ABCA12: variants seen among roughly 807,000 people sequenced by gnomAD.
ABCA12 encodes glucosylceramide transporter ABCA12.
ABCA12 carries 156 observed loss-of-function variants against 293.5 expected under a neutral mutation model. The ratio of observed to expected loss-of-function variants is 0.53; its 90% CI spans 0.47 to 0.61. The LOEUF is 0.61. Ranked by LOEUF, ABCA12 falls within the 20% of genes least tolerant of loss-of-function variation. The pLI is 0.00. For missense variants in ABCA12, 2,797 were observed against 3,090.2 expected (o/e 0.91, Z 2.25); for synonymous variants, 1,063 against 1,108.0 (o/e 0.96, Z 0.81).
At chr2:215,051,621 T>TGTGTGTGTGTGTGTGTGG in intron 5 of ABCA12, among the ~76,000 whole-genome samples, 1 of 149,346 alleles carries the variant, frequency 6.7e-6, no homozygotes, top group Non-Finnish European at 1.5e-5. Flanking sequence ...TGTGTGTGTG[T>TGTGTGTGTGTGTGTGTGG]GTGTGTGTGT....
rs1451989925 is a variant in ABCA12 at position 215,001,707 on chromosome 2, ATGT to A, written c.2711_2713del (p.Asn904del). Reference sequence around the variant, plus strand: ...TGTGTTAAGCTGATCGATGATGTCAATGTTGTTCTCTAATTTCAGTCTTAGAAT... The same window carrying A: ...TGTGTTAAGCTGATCGATGATGTCAATGTTCTCTAATTTCAGTCTTAGAAT... On this transcript the variant is annotated inframe_deletion, in exon 21 of 53. Transcript: ENST00000272895. 4.3e-6 allele frequency: 7 copies of A among 1,613,416 alleles called. No individual in the cohort carries two copies. The highest frequency in any genetic ancestry group is 5.9e-6 in the Non-Finnish European group (7 of 1,179,734).
At chr2:215,024,873 T>G (rs987707766) in intron 11 of ABCA12, among the ~76,000 whole-genome samples, 1 of 152,180 alleles carries the variant, frequency 6.6e-6, no homozygotes, top group Non-Finnish European at 1.5e-5. Context: ...GTATACTATA[T>G]GCATGAGATA....
chr2:215,093,045 C>T (rs1162696168), intron 2 of ABCA12, among the ~76,000 whole-genome samples: 1 of 152,116 alleles, frequency 6.6e-6, no homozygotes, highest in Non-Finnish European at 1.5e-5. Context: ...AATATTTTGA[C>T]CACCTTCAAC....
chr2:215,108,893 C>G (rs1702514278), intron 2 of ABCA12, among the ~76,000 whole-genome samples: 1 of 151,846 alleles, frequency 6.6e-6, no homozygotes, highest in Admixed American at 6.6e-5. Context: ...ATGGTGAAAC[C>G]CCCGTCTCTA....
chr2:215,105,601 GCACA>G (rs34835810), intron 2 of ABCA12, among the ~76,000 whole-genome samples: 17 of 138,412 alleles, frequency 1.2e-4, no homozygotes, highest in East Asian at 2.1e-4. Flanking sequence ...ACACACACAC[GCACA>G]CACACACACA....
At position 215,138,342 on chromosome 2, in the gene ABCA12, G is replaced by A; in HGVS notation, c.-134C>T. 1 of 926,866 alleles carries A rather than the reference G, an allele frequency of 1.1e-6. No individual in the cohort carries two copies. Among genetic ancestry groups the A allele is most frequent in the Non-Finnish European group, 1.8e-6 (1 of 565,784 alleles). 57.4% of individuals were successfully genotyped at this position (926,866 alleles called of 1,614,324 possible). On this transcript the variant is annotated 5_prime_UTR_variant, in exon 1 of 53. Coordinates refer to ENST00000272895, the MANE Select transcript of ABCA12 (RefSeq NM_173076.3). ...ACGGCATAGCTTCCTTGAGGGCTGG[G>A]GTAAGAAACCCACAGTTCTTCTGTT... is the stretch of plus-strand genomic sequence containing the variant.
rs138260707 is a variant in ABCA12, at chr2:214,932,680, C to T, written c.7742G>A (p.Gly2581Asp). ...TTGTGAGTCAACACTTATAGTGGAA[C>T]CTTGGCTGCTGGTATCAGCAGTTTC... Reference protein sequence around the residue: ...SYETADTSSQGSTISVDSQDD... With the variant: ...SYETADTSSQDSTISVDSQDD... Residue 2581 changes from glycine to aspartate, a missense_variant, in exon 53 of 53, where the codon GGT becomes GAT. Transcript: ENST00000272895. 1 of 1,613,582 alleles carries T rather than the reference C, an allele frequency of 6.2e-7. No homozygotes were observed. The highest frequency in any genetic ancestry group is 8.5e-7 in the Non-Finnish European group (1 of 1,179,740).
At position 215,110,277 on chromosome 2, in the gene ABCA12, G is replaced by A. The variant is rs527640324; in HGVS notation, c.163+1320C>T. On this transcript the variant is annotated intron_variant, in intron 2 of 52. Transcript: ENST00000272895. ...TGTAATCCCAGCACTTTGGGAGGCC[G>A]AGGTGGGTGGATCACAAGGTCAGGA... is the stretch of plus-strand genomic sequence containing the variant. Among the ~76,000 whole-genome samples, 5 of 152,272 alleles carry A rather than the reference G, an allele frequency of 3.3e-5. No individual in the cohort carries two copies. The South Asian group carries it at 8.3e-4, about 25-fold the overall frequency.
intron 18 of ABCA12, among the ~76,000 whole-genome samples, chr2:215,008,354 C>G (rs1196981646): frequency 1.3e-5 from 2 of 151,916 alleles, no homozygotes; most frequent in African/African-American, 4.8e-5. Flanking sequence ...AAAACCGATA[C>G]ACAAGAATAT....
intron 22 of ABCA12, 74 bp downstream of exon 22, chr2:215,000,631 C>G (rs989408691): frequency 6.4e-7 from 1 of 1,551,348 alleles, no homozygotes; most frequent in Non-Finnish European, 8.8e-7. Context: ...TGTAATACAT[C>G]TGAATGAATG....
At position 214,986,633 on chromosome 2, in the gene ABCA12, T is replaced by C. The variant is rs762291427; in HGVS notation, c.4072A>G (p.Lys1358Glu). The C allele has an allele frequency of 1.2e-6, 2 of 1,614,038 alleles. No individual in the cohort carries two copies. Among genetic ancestry groups the C allele is most frequent in the African/African-American group, 1.3e-5 (1 of 74,930 alleles). ...LHGVTKIYGS[K>E]VAVDNLNLNF... ...AGATTGAGGTTATCAACAGCAACTT[T>C]TGAGCCATAGATCTTTGTGACCCCA... Residue 1358 changes from lysine to glutamate, a missense_variant, in exon 28 of 53, where the codon AAA (lysine) becomes GAA (glutamate). Physicochemically the swap from Lys to Glu is moderately conservative, Grantham distance 56 (BLOSUM62 1). Around this residue, in one of 3 missense-constraint regions of ABCA12, gnomAD observed 2,130 missense variants for 2,427.0 expected, o/e 0.88. Coordinates refer to ENST00000272895, the MANE Select transcript of ABCA12 (RefSeq NM_173076.3).
intron 47 of ABCA12, chr2:214,947,920 C>T (rs1698633163): frequency 3.3e-6 from 1 of 300,700 alleles, no homozygotes; most frequent in Admixed American, 4.5e-5. Flanking sequence ...GACTGTTACC[C>T]CTGCGTCCTC....
chr2:215,047,044 GA>G (rs1387684277), intron 6 of ABCA12, among the ~76,000 whole-genome samples: 2 of 152,150 alleles, frequency 1.3e-5, no homozygotes, highest in Non-Finnish European at 2.9e-5. Context: ...TGGACACACA[GA>G]GGGGAACAAC....
chr2:215,114,252 C>T (rs1213766075), intron 1 of ABCA12, among the ~76,000 whole-genome samples: 1 of 152,280 alleles, frequency 6.6e-6, no homozygotes, highest in Admixed American at 6.5e-5. Flanking sequence ...AGATTACAGG[C>T]GTTAGTCACC....
intron 2 of ABCA12, among the ~76,000 whole-genome samples, chr2:215,069,059 T>C (rs572899013): frequency 6.6e-6 from 1 of 152,192 alleles, no homozygotes; most frequent in Non-Finnish European, 1.5e-5. Context: ...TGCCACTGTT[T>C]CATTCTGTTT....
chr2:215,074,898 C>T (rs140760396), intron 2 of ABCA12, among the ~76,000 whole-genome samples: 8 of 151,968 alleles, frequency 5.3e-5, no homozygotes, highest in South Asian at 4.1e-4. Context: ...GCCGAGATCA[C>T]GCCACTGTAC....
At chr2:214,980,758 G>T in intron 30 of ABCA12, 115 bp from the exon 31 acceptor site, 2 of 1,370,958 alleles carry the variant, frequency 1.5e-6, no homozygotes, top group Non-Finnish European at 1.0e-6. Context: ...CATTTCATGA[G>T]CTAACTGAAA....
intron 44 of ABCA12, among the ~76,000 whole-genome samples, chr2:214,952,334 C>T (rs1391615253): frequency 2.0e-5 from 3 of 151,822 alleles, no homozygotes; most frequent in African/African-American, 7.3e-5. Context: ...AATTCTCGTG[C>T]CTCAGCCTCC....
Position 215,046,012 on chromosome 2 carries a change from A to G in ABCA12, c.697T>C (p.Ser233Pro). Residue 233 changes from serine to proline, a missense_variant, in exon 7 of 53, where the codon TCC becomes CCC. Ser to Pro is a moderately conservative substitution (Grantham distance 74, BLOSUM62 -1). Transcript: ENST00000272895. ...ATCTTCTGATTGTTGGGGTCACTGGATAGCTTAAAATATAAAACCACAAAC... is the reference window on the plus strand; with the variant it reads ...ATCTTCTGATTGTTGGGGTCACTGGGTAGCTTAAAATATAAAACCACAAAC... ...QELNKQFSQLSSDPNNQKIVF... is the reference protein window; with the variant it reads ...QELNKQFSQLPSDPNNQKIVF... 1.4e-5 allele frequency: 23 copies of G among 1,613,344 alleles called. No homozygotes were observed. The highest frequency in any genetic ancestry group is 1.9e-5 in the Non-Finnish European group (23 of 1,179,658).
Sources: gnomAD v4.1 joint callset for allele counts (sites outside exome capture counted in the v4.1 genomes callset) on GRCh38, gnomAD v4.1.1 for gene constraint, gnomAD v4.1.1 regional missense constraint, MANE v1.5 for transcripts, NCBI Gene and HGNC (gene_info 2026-07-23, HGNC 2026-07-21) for gene names.